A4GALT: variants seen among roughly 807,000 people sequenced by gnomAD.
A4GALT encodes alpha 1,4-galactosyltransferase (P1PK blood group).
For synonymous variants in A4GALT, 257 were observed against 220.7 expected (o/e 1.16, Z -1.46); for missense variants, 512 against 486.0 (o/e 1.05, Z -0.50).
chr22:42,702,306 A>G (rs1192726023), intron 1 of A4GALT, among the ~76,000 whole-genome samples: 7 of 150,594 alleles, frequency 4.6e-5, no homozygotes, highest in Non-Finnish European at 8.9e-5. Flanking sequence ...CCCCCCCCGG[A>G]AAAAGGGGCT....
intron 1 of A4GALT, among the ~76,000 whole-genome samples, chr22:42,700,060 G>A (rs1931196348): frequency 2.6e-5 from 4 of 152,244 alleles, no homozygotes; most frequent in Admixed American, 1.3e-4. Flanking sequence ...GGCCCGCAGT[G>A]GGTCACTGGG....
intron 1 of A4GALT, among the ~76,000 whole-genome samples, chr22:42,719,539 T>C (rs750091411): frequency 1.4e-4 from 21 of 152,182 alleles, no homozygotes; most frequent in Non-Finnish European, 2.8e-4. Flanking sequence ...TCCTTTGTAT[T>C]CCTTTGATTT....
At position 42,692,950 on chromosome 22, in the gene A4GALT, C is replaced by T. The variant is rs1930560704; in HGVS notation, c.1002G>A (p.Leu334=). 6.2e-7 allele frequency: 1 copy of T among 1,611,656 alleles called. No homozygotes were observed. Among genetic ancestry groups the T allele is most frequent in the African/African-American group, 1.3e-5 (1 of 74,918 alleles). ...GGCAGTAGCGGGCATGCAGCTGGGC[C>T]AGCAGTGCCCTGGACGTGGCCTCGA... is the stretch of plus-strand genomic sequence containing the variant. ...TRFEATSRAL[L]AQLHARYCPT... The change falls in exon 3 of 3, where the codon CTG becomes CTA. Residue 334 remains leucine, a synonymous_variant. Transcript: ENST00000642412. This position sits in a 1 kb window ranked among gnomAD's most constrained non-coding sequence, Gnocchi z 4.6.
chr22:42,713,926 T>C (rs35400976), intron 1 of A4GALT, among the ~76,000 whole-genome samples: 58 of 151,360 alleles, frequency 3.8e-4, no homozygotes, highest in Non-Finnish European at 7.2e-4. Flanking sequence ...TGGGAGGATC[T>C]TGAGGCCAAG....
rs1930629206 is a variant in A4GALT at position 42,693,380 on chromosome 22, A to G, written c.572T>C (p.Leu191Pro). ...ALMWKFGGIYLDTDFIVLKNL... is the reference protein window; with the variant it reads ...ALMWKFGGIYPDTDFIVLKNL... ...CTTGAGAACAATGAAGTCCGTGTCC[A>G]GGTAGATGCCGCCGAACTTCCACAT... The change falls in exon 3 of 3, where the codon CTG (leucine) becomes CCG (proline). Residue 191 changes from leucine to proline, a missense_variant. Coordinates refer to ENST00000642412, the MANE Select transcript of A4GALT (RefSeq NM_017436.7). The G allele has an allele frequency of 6.2e-7, 1 of 1,613,228 alleles. No individual in the cohort carries two copies.
At position 42,692,827 on chromosome 22, in the gene A4GALT, C is replaced by T. The variant is rs779738051; in HGVS notation, c.*63G>A. 7 of 1,587,132 alleles carry T rather than the reference C, an allele frequency of 4.4e-6. No homozygotes were observed. The highest frequency in any genetic ancestry group is 1.7e-5 in the Admixed American group (1 of 59,752). Reference sequence around the variant, plus strand: ...CTCTCCCGGGCCCTCAATCTTGCCTCCCCGGGAAGGGCGGCCCAGTGCCCC... The same window carrying T: ...CTCTCCCGGGCCCTCAATCTTGCCTTCCCGGGAAGGGCGGCCCAGTGCCCC... On this transcript the variant is annotated 3_prime_UTR_variant, in exon 3 of 3. Transcript: ENST00000642412. The surrounding 1 kb of genome is among the most constrained non-coding windows in gnomAD (Gnocchi z 4.6).
intron 1 of A4GALT, among the ~76,000 whole-genome samples, chr22:42,712,550 T>C (rs1048759640): frequency 5.3e-5 from 8 of 152,250 alleles, no homozygotes; most frequent in African/African-American, 1.9e-4. Flanking sequence ...GAGTTCGTTC[T>C]ATTTGAAAGA....
intron 1 of A4GALT, among the ~76,000 whole-genome samples, chr22:42,698,893 C>T (rs1368865694): frequency 6.6e-6 from 1 of 152,098 alleles, no homozygotes; most frequent in Non-Finnish European, 1.5e-5. Context: ...TCTGGTCGTC[C>T]TCTCTGCTAC....
chr22:42,697,290 G>T (rs3761465), intron 1 of A4GALT, among the ~76,000 whole-genome samples: 16,187 of 151,392 alleles, frequency 0.11, 1,535 homozygotes, highest in East Asian at 0.55. Context: ...CAGTGCGAAA[G>T]GTGGGGGGCA....
At chr22:42,719,257 C>G (rs1488620991) in intron 1 of A4GALT, among the ~76,000 whole-genome samples, 1 of 152,168 alleles carries the variant, frequency 6.6e-6, no homozygotes, top group Non-Finnish European at 1.5e-5. Context: ...TCCTAGCAGA[C>G]AAGAAACGAC....
intron 1 of A4GALT, among the ~76,000 whole-genome samples, chr22:42,703,867 G>C (rs916034556): frequency 6.6e-5 from 10 of 152,172 alleles, no homozygotes. Flanking sequence ...AAACAGCACC[G>C]AGTACAGAAT....
At position 42,697,293 on chromosome 22, in the gene A4GALT, G is replaced by C. The variant is rs138871791; in HGVS notation, c.-187-1662C>G. Among the ~76,000 whole-genome samples the C allele has an allele frequency of 4.6e-5, 7 of 152,010 alleles. No individual in the cohort carries two copies. The East Asian group carries it at 9.7e-4, about 21-fold the overall frequency. On this transcript the variant is annotated intron_variant, in intron 1 of 2. Transcript: ENST00000642412. ...GACCAAGTGGGCCAGTGCGAAAGGT[G>C]GGGGGCAGAGGCCGGGTGAGCTCCC...
chr22:42,692,842 C>T lies in A4GALT; in HGVS notation c.*48G>A, dbSNP rs759885875. On this transcript the variant is annotated 3_prime_UTR_variant, in exon 3 of 3. Transcript: ENST00000642412. The surrounding 1 kb of genome is among the most constrained non-coding windows in gnomAD (Gnocchi z 4.6). ...AATCTTGCCTCCCCGGGAAGGGCGG[C>T]CCAGTGCCCCATCAGGAGCAGGTTG... 6.3e-7 allele frequency: 1 copy of T among 1,594,208 alleles called. No individual in the cohort carries two copies. Among genetic ancestry groups the T allele is most frequent in the South Asian group, 1.1e-5 (1 of 90,740 alleles).
intron 1 of A4GALT, among the ~76,000 whole-genome samples, chr22:42,717,854 A>C (rs1488442995): frequency 6.6e-6 from 1 of 152,176 alleles, no homozygotes; most frequent in Non-Finnish European, 1.5e-5. Context: ...CAAGGGGTAA[A>C]ACCTTACTGA....
intron 1 of A4GALT, among the ~76,000 whole-genome samples, chr22:42,717,545 C>CA (rs1296394571): frequency 6.6e-6 from 1 of 152,162 alleles, no homozygotes; most frequent in African/African-American, 2.4e-5. Flanking sequence ...AGCAGCACTG[C>CA]ATCCTCCCAC....
rs1454636583 is a variant in A4GALT at position 42,692,518 on chromosome 22, C to G, written c.*372G>C. 2 of 389,002 alleles carry G rather than the reference C, an allele frequency of 5.1e-6. No homozygotes were observed. The highest frequency in any genetic ancestry group is 1.0e-5 in the Non-Finnish European group (2 of 196,854). 24.1% of individuals were successfully genotyped at this position (389,002 alleles called of 1,614,324 possible). A position where few individuals can be genotyped will look rare whatever the true frequency, so the allele number is the denominator to read the frequency against. Reference sequence around the variant, plus strand: ...CTCCTCTCCTCTCTGGGAATCTTGTCCCTTCTTCCCCATCCCCTTAGCACC... The same window carrying G: ...CTCCTCTCCTCTCTGGGAATCTTGTGCCTTCTTCCCCATCCCCTTAGCACC... On this transcript the variant is annotated 3_prime_UTR_variant, in exon 3 of 3. Coordinates refer to ENST00000642412, the MANE Select transcript of A4GALT (RefSeq NM_017436.7). This position sits in a 1 kb window ranked among gnomAD's most constrained non-coding sequence, Gnocchi z 4.6.
intron 1 of A4GALT, among the ~76,000 whole-genome samples, chr22:42,704,453 C>T (rs1377340684): frequency 1.3e-5 from 2 of 151,386 alleles, no homozygotes; most frequent in African/African-American, 4.9e-5. Context: ...CACTACTGCA[C>T]TCCAGCCTGG....
At chr22:42,716,828 C>G (rs1028677796) in intron 1 of A4GALT, among the ~76,000 whole-genome samples, 2 of 152,188 alleles carry the variant, frequency 1.3e-5, no homozygotes, top group Non-Finnish European at 2.9e-5. Flanking sequence ...GGGGAAGGAG[C>G]AAATGATGGT....
At chr22:42,710,186 A>G (rs911689630) in intron 1 of A4GALT, among the ~76,000 whole-genome samples, 1 of 152,218 alleles carries the variant, frequency 6.6e-6, no homozygotes, top group Admixed American at 6.5e-5. Context: ...AGAAAACGCA[A>G]TAGAAATAGT....
Sources: gnomAD v4.1 joint callset for allele counts (sites outside exome capture counted in the v4.1 genomes callset) on GRCh38, gnomAD v4.1.1 for gene constraint, Gnocchi (gnomAD v3.1) non-coding constraint, MANE v1.5 for transcripts, NCBI Gene and HGNC (gene_info 2026-07-23, HGNC 2026-07-21) for gene names.